The following SIK3 variants were observed in gnomAD, a reference collection of about 807,000 sequenced individuals.
The protein encoded by SIK3 is SIK family kinase 3, also known as serine/threonine-protein kinase SIK3.
In SIK3, 28 loss-of-function variants were observed where a neutral mutation model predicts 144.2. The ratio of observed to expected loss-of-function variants is 0.19; its 90% CI spans 0.14 to 0.27. The LOEUF is 0.27. Ranked by LOEUF, SIK3 falls within the 10% of genes least tolerant of loss-of-function variation. The pLI, the probability that SIK3 is intolerant of heterozygous loss-of-function variation, is 1.00. For missense variants in SIK3, 1,319 were observed against 1,776.0 expected (o/e 0.74, Z 4.62); for synonymous variants, 686 against 676.3 (o/e 1.01, Z -0.22).
chr11:116,939,285 C>T (rs183698060), intron 3 of SIK3, among the ~76,000 whole-genome samples: 82 of 152,272 alleles, frequency 5.4e-4, no homozygotes, highest in Admixed American at 1.3e-3. Context: ...GTAGCTGGGA[C>T]TACAGGTGTG....
intron 1 of SIK3, among the ~76,000 whole-genome samples, chr11:116,983,226 CA>C (rs751603084): frequency 0.025 from 2,189 of 86,776 alleles, 33 homozygotes; most frequent in African/African-American, 0.074. Flanking sequence ...GACTCTGTCT[CA>C]AAAAAAAAAA....
chr11:117,069,954 T>A (rs935607840), intron 1 of SIK3, among the ~76,000 whole-genome samples: 1 of 152,244 alleles, frequency 6.6e-6, no homozygotes, highest in Admixed American at 6.5e-5. Flanking sequence ...CTTTAAGTTA[T>A]TACATTCTCC....
At chr11:117,097,627 G>A (rs1283165693) in intron 1 of SIK3, among the ~76,000 whole-genome samples, 1 of 151,998 alleles carries the variant, frequency 6.6e-6, no homozygotes, top group Non-Finnish European at 1.5e-5. Flanking sequence ...CAGGATCCTG[G>A]GACCTCCCAG....
intron 1 of SIK3, among the ~76,000 whole-genome samples, chr11:117,070,464 G>A (rs1356148993): frequency 1.5e-5 from 2 of 129,288 alleles, no homozygotes; most frequent in Admixed American, 1.6e-4. Context: ...TTTCTTTTTT[G>A]AGACAGAGTT....
At chr11:116,895,104 T>C (rs1046267841) in intron 6 of SIK3, among the ~76,000 whole-genome samples, 1 of 152,224 alleles carries the variant, frequency 6.6e-6, no homozygotes, top group African/African-American at 2.4e-5. Context: ...TTACATTAAC[T>C]AGGCCCTAAA....
intron 1 of SIK3, among the ~76,000 whole-genome samples, chr11:117,039,890 C>T (rs1185500481): frequency 6.6e-6 from 1 of 152,174 alleles, no homozygotes; most frequent in Non-Finnish European, 1.5e-5. Flanking sequence ...TTTCCTGACT[C>T]CAAAGCCTGG....
At chr11:116,962,397 C>G (rs1345821973) in intron 1 of SIK3, among the ~76,000 whole-genome samples, 1 of 152,142 alleles carries the variant, frequency 6.6e-6, no homozygotes, top group Non-Finnish European at 1.5e-5. Flanking sequence ...ATATAGTGAG[C>G]AGACTGCATG....
chr11:116,885,553 A>AC (rs1944768152), intron 6 of SIK3, among the ~76,000 whole-genome samples: 1 of 152,188 alleles, frequency 6.6e-6, no homozygotes, highest in African/African-American at 2.4e-5. Context: ...CTTGTGGTTT[A>AC]CATTCTAGTA....
intron 3 of SIK3, among the ~76,000 whole-genome samples, chr11:116,951,766 C>T (rs1166332428): frequency 1.3e-5 from 2 of 151,822 alleles, no homozygotes; most frequent in Non-Finnish European, 2.9e-5. Flanking sequence ...GAGACCTAAT[C>T]GCTATAAAAA....
chr11:116,892,168 G>A (rs1432866141), intron 6 of SIK3, among the ~76,000 whole-genome samples: 2 of 152,184 alleles, frequency 1.3e-5, no homozygotes, highest in African/African-American at 4.8e-5. Flanking sequence ...TCACCACAGT[G>A]ATCAGTGAAG....
chr11:117,037,624 T>C (rs1952568645), intron 1 of SIK3, among the ~76,000 whole-genome samples: 2 of 152,210 alleles, frequency 1.3e-5, no homozygotes, highest in Non-Finnish European at 2.9e-5. Flanking sequence ...GTCTTCATTG[T>C]CCTGACTCCT....
intron 1 of SIK3, among the ~76,000 whole-genome samples, chr11:117,008,459 A>T (rs1266951520): frequency 7.2e-6 from 1 of 138,842 alleles, no homozygotes; most frequent in Non-Finnish European, 1.5e-5. Flanking sequence ...TTGTTAACAT[A>T]AAGGCAAAAG....
At chr11:117,022,919 T>C (rs952807658) in intron 1 of SIK3, among the ~76,000 whole-genome samples, 1 of 152,112 alleles carries the variant, frequency 6.6e-6, no homozygotes, top group African/African-American at 2.4e-5. Flanking sequence ...GTTTATTTTG[T>C]TCAGAAACAA....
intron 1 of SIK3, among the ~76,000 whole-genome samples, chr11:117,014,991 G>A (rs1255067931): frequency 6.6e-6 from 1 of 152,116 alleles, no homozygotes; most frequent in African/African-American, 2.4e-5. Flanking sequence ...TTGAGCCCAG[G>A]AAGTTGAGGC....
chr11:116,992,934 G>A (rs994677705), intron 1 of SIK3, among the ~76,000 whole-genome samples: 10 of 152,168 alleles, frequency 6.6e-5, no homozygotes, highest in Admixed American at 1.3e-4. Flanking sequence ...GCAGTGAGCC[G>A]TGATCATGCC....
At chr11:116,939,528 T>C (rs920100131) in intron 3 of SIK3, among the ~76,000 whole-genome samples, 1 of 152,238 alleles carries the variant, frequency 6.6e-6, no homozygotes, top group Non-Finnish European at 1.5e-5. Flanking sequence ...GGAAACTTTA[T>C]AAAGGATCAA....
At chr11:116,870,060 G>A in intron 14 of SIK3, 1 of 1,379,150 alleles carries the variant, frequency 7.3e-7, no homozygotes, top group Non-Finnish European at 9.7e-7. Context: ...TATGAAGGCA[G>A]GGGACAAGGA....
chr11:116,893,601 G>A (rs1777980984), intron 6 of SIK3, among the ~76,000 whole-genome samples: 1 of 152,034 alleles, frequency 6.6e-6, no homozygotes, highest in African/African-American at 2.4e-5. Flanking sequence ...GAGCCTGGGA[G>A]GTCCAGCTGC....
chr11:116,909,946 G>GA, intron 4 of SIK3, among the ~76,000 whole-genome samples: 1 of 152,220 alleles, frequency 6.6e-6, no homozygotes, highest in Non-Finnish European at 1.5e-5. Context: ...TGTAATCTAG[G>GA]AAGAATATAT....
Sources: gnomAD v4.1 joint callset for allele counts (sites outside exome capture counted in the v4.1 genomes callset) on GRCh38, gnomAD v4.1.1 for gene constraint, MANE v1.5 for transcripts, NCBI Gene and HGNC (gene_info 2026-07-23, HGNC 2026-07-21) for gene names.